The following TNFSF13B variants were observed in gnomAD, a reference collection of about 807,000 sequenced individuals.
TNFSF13B encodes the protein tumor necrosis factor ligand superfamily member 13B.
TNFSF13B carries 8 observed loss-of-function variants against 29.1 expected under a neutral mutation model. The ratio of observed to expected loss-of-function variants is 0.27; its 90% CI spans 0.16 to 0.50. TNFSF13B has a LOEUF of 0.50. TNFSF13B is among the 20% of genes least tolerant of loss of function. TNFSF13B has a pLI of 0.98. For synonymous variants in TNFSF13B, 125 were observed against 130.8 expected, an observed-to-expected ratio of 0.96 and a Z score of 0.30; for missense variants, 248 against 334.9, an observed-to-expected ratio of 0.74 and a Z score of 2.03.
chr13:108,291,018 C>T (rs12859677), intron 3 of TNFSF13B, among the ~76,000 whole-genome samples: 1 of 151,776 alleles, frequency 6.6e-6, no homozygotes, highest in Non-Finnish European at 1.5e-5. Context: ...TGCTTGAAGA[C>T]ATTAACTTTA....
intron 2 of TNFSF13B, among the ~76,000 whole-genome samples, chr13:108,282,601 A>G (rs1163715795): frequency 1.3e-5 from 2 of 152,144 alleles, no homozygotes; most frequent in Non-Finnish European, 2.9e-5. Context: ...TTGTCCTTAA[A>G]TTCTTATTTT....
At chr13:108,292,640 G>A (rs1881351822) in intron 3 of TNFSF13B, among the ~76,000 whole-genome samples, 1 of 152,044 alleles carries the variant, frequency 6.6e-6, no homozygotes, top group African/African-American at 2.4e-5. Context: ...TGGGTGTGAA[G>A]CCATATCTCT....
chr13:108,278,482 A>G (rs1000321040), intron 2 of TNFSF13B, among the ~76,000 whole-genome samples: 4 of 151,220 alleles, frequency 2.6e-5, no homozygotes, highest in African/African-American at 7.3e-5. Context: ...AAACATCTTT[A>G]TATTATCCCT....
intron 2 of TNFSF13B, among the ~76,000 whole-genome samples, chr13:108,278,632 T>TCTTCCTCCTCTCCTCCTCCCC (rs1880833532): frequency 1.1e-4 from 1 of 8,860 alleles, no homozygotes; most frequent in Non-Finnish European, 2.3e-4. Flanking sequence ...TCCTCCTCCC[T>TCTTCCTCCTCTCCTCCTCCCC]TTCCTCCTCC....
intron 2 of TNFSF13B, among the ~76,000 whole-genome samples, chr13:108,282,482 G>A (rs1394363384): frequency 2.0e-5 from 3 of 152,072 alleles, no homozygotes; most frequent in African/African-American, 2.4e-5. Flanking sequence ...TCAAAAGGTG[G>A]CCTTTCAAAC....
At chr13:108,281,078 CT>C (rs1359484805) in intron 2 of TNFSF13B, among the ~76,000 whole-genome samples, 1 of 152,042 alleles carries the variant, frequency 6.6e-6, no homozygotes, top group Admixed American at 6.6e-5. Context: ...GAAACCCTGT[CT>C]CTACTAAAAA....
chr13:108,287,409 G>T (rs1158762098), intron 3 of TNFSF13B, among the ~76,000 whole-genome samples: 1 of 151,830 alleles, frequency 6.6e-6, no homozygotes, highest in Non-Finnish European at 1.5e-5. Flanking sequence ...TTATAATCAG[G>T]TAAAAAATAA....
At chr13:108,284,960 C>A (rs534741268) in intron 2 of TNFSF13B, among the ~76,000 whole-genome samples, 4 of 152,200 alleles carry the variant, frequency 2.6e-5, no homozygotes, top group Non-Finnish European at 5.9e-5. Flanking sequence ...CACTACCATT[C>A]TTCCTGTTAG....
intron 5 of TNFSF13B, 50 bp from the exon 6 acceptor site, chr13:108,306,776 C>T: frequency 2.1e-5 from 22 of 1,061,984 alleles, no homozygotes; most frequent in East Asian, 1.1e-4. Flanking sequence ...AGATTCTTTT[C>T]TTTTCTGTTG....
At position 108,276,388 on chromosome 13, in the gene TNFSF13B, A is replaced by G. The variant is rs548094304; in HGVS notation, c.424+5964A>G. On this transcript the variant is annotated intron_variant, in intron 2 of 5. Coordinates refer to ENST00000375887, the MANE Select transcript of TNFSF13B (RefSeq NM_006573.5). ...GTTCAACTTCTGGAAAAGCATTTAA[A>G]ATTGAAAACGTTGACCTTCCAACCA... Among the ~76,000 whole-genome samples the G allele has an allele frequency of 1.9e-4, 29 of 152,342 alleles. No homozygotes were observed. In the South Asian group the frequency reaches 6.0e-3, roughly 32 times the overall value.
chr13:108,306,725 T>C (rs915488436), intron 5 of TNFSF13B, 101 bp from the exon 6 acceptor site: 2 of 623,476 alleles, frequency 3.2e-6, no homozygotes, highest in African/African-American at 6.6e-5. Context: ...TGAATGCCTA[T>C]GTTAACATTT....
chr13:108,284,356 GAATAAATAAACAAACAAACAAA>G (rs1881059420), intron 2 of TNFSF13B, among the ~76,000 whole-genome samples: 1 of 107,910 alleles, frequency 9.3e-6, no homozygotes, highest in Admixed American at 1.1e-4. Flanking sequence ...ATAAATAAAT[GAATAAATAAACAAACAAACAAA>G]CAAACAAACA....
In TNFSF13B at chr13:108,298,936, C is replaced by G. The variant is rs948822023; in HGVS notation, c.482-4317C>G. On this transcript the variant is annotated intron_variant, in intron 3 of 5. Transcript: ENST00000375887. ...CAGTAAGCCAAGATGGCACCCCTGT[C>G]TCCAGCCTGGGCGACAGAGCAAGAC... 3.4e-5 allele frequency among the ~76,000 whole-genome samples: 5 copies of G among 145,722 alleles called. No homozygotes were observed. The South Asian group carries it at 8.6e-4, about 25-fold the overall frequency.
At chr13:108,279,945 G>A (rs1170870541) in intron 2 of TNFSF13B, among the ~76,000 whole-genome samples, 1 of 151,858 alleles carries the variant, frequency 6.6e-6, no homozygotes, top group Non-Finnish European at 1.5e-5. Flanking sequence ...TTCCTGATTG[G>A]ATCAAATGCC....
rs114688573 is a variant in TNFSF13B, at chr13:108,282,055, G to A, written c.425-4748G>A. Among the ~76,000 whole-genome samples, 1,111 of 152,236 alleles carry A rather than the reference G, an allele frequency of 7.3e-3. 19 individuals are homozygous for A. The highest frequency in any genetic ancestry group is 0.025 in the African/African-American group (1,053 of 41,538). ...GCAGAAATGAAAGTGAGGCATTGCCGTCCAAGATCCTCCTTCTTTAAAAAC... is the reference window on the plus strand; with the variant it reads ...GCAGAAATGAAAGTGAGGCATTGCCATCCAAGATCCTCCTTCTTTAAAAAC... On this transcript the variant is annotated intron_variant, in intron 2 of 5. Transcript: ENST00000375887.
In TNFSF13B at chr13:108,306,863, T is replaced by A. The variant is rs1323358965; in HGVS notation, c.783T>A (p.Leu261=). 1 of 1,611,382 alleles carries A rather than the reference T, an allele frequency of 6.2e-7. No homozygotes were observed. The highest frequency in any genetic ancestry group is 1.1e-5 in the South Asian group (1 of 90,916). ...TGGAAGAAGGAGATGAACTCCAACT[T>A]GCAATACCAAGAGAAAATGCACAAA... ...AKLEEGDELQ[L]AIPRENAQIS... Residue 261 remains leucine (L), a synonymous_variant, in exon 6 of 6, where the codon CTT becomes CTA. Transcript: ENST00000375887.
Position 108,308,397 on chromosome 13 carries a change from C to T in TNFSF13B, c.*1459C>T, listed in dbSNP as rs1881837861. ...AAGAAGCGATAAGTGGAGTCAGTTT[C>T]AATGCTAGGTGGGGTGGTTAATGAT... is the stretch of plus-strand genomic sequence containing the variant. On this transcript the variant is annotated 3_prime_UTR_variant, in exon 6 of 6. Transcript: ENST00000375887. 1 of 152,042 alleles carries T rather than the reference C, an allele frequency of 6.6e-6. No homozygotes were observed. Among genetic ancestry groups the T allele is most frequent in the Non-Finnish European group, 1.5e-5 (1 of 67,980 alleles). 9.4% of individuals were successfully genotyped at this position (152,042 alleles called of 1,614,324 possible). A position where few individuals can be genotyped will look rare whatever the true frequency, so the allele number is the denominator to read the frequency against.
chr13:108,289,199 T>C (rs1881232648), intron 3 of TNFSF13B, among the ~76,000 whole-genome samples: 2 of 152,042 alleles, frequency 1.3e-5, no homozygotes, highest in South Asian at 4.1e-4. Context: ...CACCAAATTA[T>C]GCAGCTGCTA....
At chr13:108,271,949 G>A (rs1276251167) in intron 2 of TNFSF13B, among the ~76,000 whole-genome samples, 1 of 151,952 alleles carries the variant, frequency 6.6e-6, no homozygotes, top group Non-Finnish European at 1.5e-5. Flanking sequence ...TCATATAGTG[G>A]AATATCTGAG....
Sources: gnomAD v4.1 joint callset for allele counts (sites outside exome capture counted in the v4.1 genomes callset) on GRCh38, gnomAD v4.1.1 for gene constraint, MANE v1.5 for transcripts, NCBI Gene and HGNC (gene_info 2026-07-23, HGNC 2026-07-21) for gene names.